Variants in EYA2 observed in about 807,000 individuals in gnomAD.
EYA2 encodes protein phosphatase EYA2.
In EYA2, 31 loss-of-function variants were observed where a neutral mutation model predicts 69.2. The observed-to-expected ratio is 0.45, with a 90% CI of 0.34 to 0.60. The LOEUF (loss-of-function observed/expected upper bound fraction) is 0.60, where lower values mean the gene tolerates loss of function less well. Among genes scored for constraint, EYA2 ranks in the 20% least tolerant of loss-of-function variants. EYA2 has a pLI of 0.02. For missense variants in EYA2, 622 were observed against 701.2 expected, an observed-to-expected ratio of 0.89 and a Z score of 1.28; for synonymous variants, 257 against 279.4, an observed-to-expected ratio of 0.92 and a Z score of 0.80.
intron 1 of EYA2, among the ~76,000 whole-genome samples, chr20:46,908,083 A>C (rs1430481903): frequency 6.6e-6 from 1 of 152,144 alleles, no homozygotes; most frequent in Admixed American, 6.5e-5. Flanking sequence ...TTTCCTCTTC[A>C]GTATGGAAAT....
chr20:47,138,157 T>C (rs538330638), intron 9 of EYA2, among the ~76,000 whole-genome samples: 5 of 144,678 alleles, frequency 3.5e-5, no homozygotes, highest in African/African-American at 1.0e-4. Context: ...AACTAAAAAT[T>C]AAAAAAAAAA....
intron 5 of EYA2, among the ~76,000 whole-genome samples, chr20:47,064,812 A>G (rs1160525258): frequency 6.6e-6 from 1 of 152,198 alleles, no homozygotes; most frequent in Non-Finnish European, 1.5e-5. Flanking sequence ...AGCGTCACAT[A>G]AGTCACTGTA....
chr20:47,170,834 C>A (rs920850215), intron 11 of EYA2, among the ~76,000 whole-genome samples: 1 of 152,210 alleles, frequency 6.6e-6, no homozygotes, highest in East Asian at 1.9e-4. Flanking sequence ...GTTACGGGAT[C>A]AGTCATTGTA....
chr20:47,040,599 A>T (rs1206403553), intron 5 of EYA2, among the ~76,000 whole-genome samples: 1 of 152,242 alleles, frequency 6.6e-6, no homozygotes, highest in Admixed American at 6.5e-5. Context: ...TTACACAAGG[A>T]AAATAACAAC....
chr20:47,180,003 G>C, intron 13 of EYA2, 91 bp downstream of exon 13: 1 of 886,500 alleles, frequency 1.1e-6, no homozygotes, highest in Non-Finnish European at 1.8e-6. Context: ...GGGAGAATTG[G>C]ACTCCTCAAA....
At chr20:47,006,200 ACT>A in intron 4 of EYA2, among the ~76,000 whole-genome samples, 1 of 152,164 alleles carries the variant, frequency 6.6e-6, no homozygotes, top group Middle Eastern at 3.4e-3. Context: ...TCTCTACTGG[ACT>A]CCCACATCCA....
chr20:47,134,576 A>C (rs2033415126), intron 9 of EYA2, among the ~76,000 whole-genome samples: 1 of 73,462 alleles, frequency 1.4e-5, no homozygotes, highest in Non-Finnish European at 2.3e-5. Context: ...CCCACCACAT[A>C]CACACACACA....
chr20:47,174,912 AGTGAAG>A (rs1287592899), intron 12 of EYA2, among the ~76,000 whole-genome samples: 1 of 152,178 alleles, frequency 6.6e-6, no homozygotes, highest in East Asian at 1.9e-4. Context: ...TGATTGCAGG[AGTGAAG>A]CAGCAAGCTC....
At chr20:47,097,710 T>C (rs947603677) in intron 9 of EYA2, among the ~76,000 whole-genome samples, 3 of 152,246 alleles carry the variant, frequency 2.0e-5, no homozygotes, top group African/African-American at 7.2e-5. Flanking sequence ...ATTGGCTGAA[T>C]CGTGGTGGAT....
chr20:47,113,658 C>A (rs1600718222), intron 9 of EYA2, among the ~76,000 whole-genome samples: 1 of 152,210 alleles, frequency 6.6e-6, no homozygotes, highest in South Asian at 2.1e-4. Context: ...TCAGATCACA[C>A]ACTTTGTATT....
chr20:47,158,403 G>C (rs527868117), intron 10 of EYA2, among the ~76,000 whole-genome samples: 3 of 151,770 alleles, frequency 2.0e-5, no homozygotes, highest in Non-Finnish European at 4.4e-5. Flanking sequence ...TGTAATGCCG[G>C]CTACTTGGGA....
At position 46,941,733 on chromosome 20, in the gene EYA2, C is replaced by T. The variant is rs183966879; in HGVS notation, c.-11+46746C>T. ...AAGGCCTTTGGAGCTTAGCAGGTGG[C>T]GGGTACATGATAGACATGGGTTCTT... On this transcript the variant is annotated intron_variant, in intron 1 of 15. Coordinates refer to ENST00000327619, the MANE Select transcript of EYA2 (RefSeq NM_005244.5). 3.9e-5 allele frequency among the ~76,000 whole-genome samples: 6 copies of T among 151,946 alleles called. No individual in the cohort carries two copies. The East Asian group carries it at 1.2e-3, about 29-fold the overall frequency.
chr20:47,008,694 T>C (rs1240989101), intron 4 of EYA2, among the ~76,000 whole-genome samples: 3 of 152,192 alleles, frequency 2.0e-5, no homozygotes, highest in Non-Finnish European at 4.4e-5. Flanking sequence ...ACAGAGTAGA[T>C]GATAAGAGCA....
intron 1 of EYA2, among the ~76,000 whole-genome samples, chr20:46,980,885 T>G (rs1472735080): frequency 6.6e-6 from 1 of 152,224 alleles, no homozygotes; most frequent in Non-Finnish European, 1.5e-5. Flanking sequence ...CTTGTTTCAC[T>G]TAACATAACG....
At chr20:47,041,386 T>A (rs1458826638) in intron 5 of EYA2, among the ~76,000 whole-genome samples, 1 of 152,152 alleles carries the variant, frequency 6.6e-6, no homozygotes, top group African/African-American at 2.4e-5. Context: ...TCCAGATCTC[T>A]TCCCCAGAAG....
At chr20:46,962,983 A>G (rs1046261928) in intron 1 of EYA2, among the ~76,000 whole-genome samples, 1 of 152,188 alleles carries the variant, frequency 6.6e-6, no homozygotes, top group African/African-American at 2.4e-5. Context: ...GCCTCACAGG[A>G]GTGGGTGTAT....
chr20:46,924,351 C>G (rs991703701), intron 1 of EYA2, among the ~76,000 whole-genome samples: 1 of 152,104 alleles, frequency 6.6e-6, no homozygotes, highest in African/African-American at 2.4e-5. Flanking sequence ...GTGGTCCCTG[C>G]TTTCTTAACA....
At chr20:47,075,210 A>G (rs900982714) in intron 7 of EYA2, among the ~76,000 whole-genome samples, 2 of 152,216 alleles carry the variant, frequency 1.3e-5, no homozygotes, top group Non-Finnish European at 2.9e-5. Context: ...TATTCAACAA[A>G]TATTTGGTAA....
chr20:46,989,161 T>C (rs933043858), intron 1 of EYA2, among the ~76,000 whole-genome samples: 1 of 152,198 alleles, frequency 6.6e-6, no homozygotes, highest in African/African-American at 2.4e-5. Flanking sequence ...AGCCAGTATG[T>C]TCTCTCTTGG....
Sources: gnomAD v4.1 joint callset for allele counts (sites outside exome capture counted in the v4.1 genomes callset) on GRCh38, gnomAD v4.1.1 for gene constraint, MANE v1.5 for transcripts, NCBI Gene and HGNC (gene_info 2026-07-23, HGNC 2026-07-21) for gene names.